The following SLC47A1 variants were observed in gnomAD, a reference collection of about 807,000 sequenced individuals.
SLC47A1 encodes multidrug and toxin extrusion protein 1.
SLC47A1 carries 58 observed loss-of-function variants against 65.8 expected under a neutral mutation model. The ratio of observed to expected loss-of-function variants is 0.88; its 90% CI spans 0.71 to 1.10. The LOEUF is 1.10. SLC47A1 is among the 50% of genes least tolerant of loss of function. The pLI, the probability that SLC47A1 is intolerant of heterozygous loss-of-function variation, is 0.00. For synonymous variants in SLC47A1, 285 were observed against 295.0 expected (o/e 0.97, Z 0.35); for missense variants, 706 against 719.2 (o/e 0.98, Z 0.21).
At chr17:19,544,866 C>A (rs569954496) in intron 2 of SLC47A1, among the ~76,000 whole-genome samples, 1 of 152,346 alleles carries the variant, frequency 6.6e-6, no homozygotes, top group East Asian at 1.9e-4. Flanking sequence ...CCTTACCCAT[C>A]CAAGATCTTG....
At chr17:19,573,239 C>T (rs2084414259) in intron 16 of SLC47A1, among the ~76,000 whole-genome samples, 1 of 152,170 alleles carries the variant, frequency 6.6e-6, no homozygotes, top group African/African-American at 2.4e-5. Flanking sequence ...GTTGCTTGGA[C>T]CTTTGCTTCT....
rs1915915983 is a variant in SLC47A1, at chr17:19,533,932, C to A, written c.-8C>A. ...CTCCGCGCTACCCGGCCGCAGCGCG[C>A]GAGTCACATGGAAGCTCCTGAGGAG... On this transcript the variant is annotated 5_prime_UTR_variant, in exon 1 of 17. Transcript: ENST00000270570. The A allele has an allele frequency of 2.0e-6, 3 of 1,494,244 alleles. No individual in the cohort carries two copies. The highest frequency in any genetic ancestry group is 2.5e-5 in the South Asian group (2 of 79,982). 92.6% of individuals were successfully genotyped at this position (1,494,244 alleles called of 1,614,324 possible).
intron 12 of SLC47A1, among the ~76,000 whole-genome samples, chr17:19,561,829 G>C (rs567347391): frequency 6.6e-6 from 1 of 152,242 alleles, no homozygotes; most frequent in South Asian, 2.1e-4. Flanking sequence ...TACATTTTCA[G>C]TTAATTATTT....
At position 19,556,032 on chromosome 17, in the gene SLC47A1, C is replaced by A; in HGVS notation, c.891C>A (p.Ile297=). The A allele has an allele frequency of 6.2e-7, 1 of 1,614,124 alleles. No individual in the cohort carries two copies. The highest frequency in any genetic ancestry group is 1.7e-5 in the Admixed American group (1 of 60,026). Residue 297 remains isoleucine (I), a synonymous_variant, in exon 10 of 17, where the codon ATC becomes ATA. Transcript: ENST00000270570. The part of the protein sequence containing the change: ...LGMVELGAQS[I]VYELAIIVYM... ...TGGTGGAGCTGGGCGCTCAGTCCAT[C>A]GTGTATGAACTGGCCATCATTGTGT...
chr17:19,535,993 G>T (rs1474750519), intron 1 of SLC47A1, among the ~76,000 whole-genome samples: 2 of 152,024 alleles, frequency 1.3e-5, no homozygotes, highest in Non-Finnish European at 2.9e-5. Context: ...TTGAGACAGG[G>T]TCTTGATCTG....
chr17:19,536,319 C>G (rs868343298), intron 1 of SLC47A1, among the ~76,000 whole-genome samples: 20 of 151,960 alleles, frequency 1.3e-4, no homozygotes, highest in Non-Finnish European at 2.8e-4. Flanking sequence ...TCCCAGTAGC[C>G]TGATCCCCTT....
intron 16 of SLC47A1, among the ~76,000 whole-genome samples, chr17:19,576,802 C>T (rs1365532460): frequency 1.7e-4 from 26 of 151,848 alleles, no homozygotes; most frequent in Non-Finnish European, 1.0e-4. Flanking sequence ...TGCAATGGCA[C>T]CATCTTGGCT....
At chr17:19,558,774 G>A (rs2084284622) in intron 10 of SLC47A1, among the ~76,000 whole-genome samples, 1 of 152,088 alleles carries the variant, frequency 6.6e-6, no homozygotes, top group Non-Finnish European at 1.5e-5. Context: ...GGTTAAGGTG[G>A]TACCTGCCAG....
At chr17:19,542,976 G>A (rs771953394) in intron 2 of SLC47A1, among the ~76,000 whole-genome samples, 1 of 151,828 alleles carries the variant, frequency 6.6e-6, no homozygotes, top group Non-Finnish European at 1.5e-5. Flanking sequence ...ATTTTTAGTA[G>A]AGATGGGGTT....
At chr17:19,570,019 G>T (rs891720027) in intron 14 of SLC47A1, among the ~76,000 whole-genome samples, 4 of 152,170 alleles carry the variant, frequency 2.6e-5, no homozygotes, top group Admixed American at 6.5e-5. Flanking sequence ...AGCCAAGGCA[G>T]GAGGATCACT....
chr17:19,546,118 G>A (rs1035223633), intron 2 of SLC47A1, among the ~76,000 whole-genome samples: 1 of 152,102 alleles, frequency 6.6e-6, no homozygotes. Flanking sequence ...TACTCGGGAG[G>A]CTGAAGCAGG....
chr17:19,568,250 T>C (rs908475221), intron 14 of SLC47A1, among the ~76,000 whole-genome samples: 1 of 152,192 alleles, frequency 6.6e-6, no homozygotes, highest in Non-Finnish European at 1.5e-5. Context: ...AGTTCAATAA[T>C]ATTTTAATTA....
rs764123486 is a variant in SLC47A1 at position 19,567,213 on chromosome 17, A to G, written c.1294A>G (p.Thr432Ala). The change falls in exon 14 of 17, where the codon ACA becomes GCA. Residue 432 changes from threonine (T) to alanine (A), a missense_variant. Physicochemically the swap from Thr to Ala is moderately conservative, Grantham distance 58 (BLOSUM62 0). Coordinates refer to ENST00000270570, the MANE Select transcript of SLC47A1 (RefSeq NM_018242.3). ...CGGGATCGCGCTGATGTTTGCAACC[A>G]CACTTGGAGTGATGGGTAAGCTCTA... ...PIGIALMFAT[T>A]LGVMGLWSGI... is the part of the protein sequence containing the mutation. 3 of 1,614,048 alleles carry G rather than the reference A, an allele frequency of 1.9e-6. No homozygotes were observed. The highest frequency in any genetic ancestry group is 8.5e-7 in the Non-Finnish European group (1 of 1,180,036).
intron 10 of SLC47A1, among the ~76,000 whole-genome samples, chr17:19,556,915 G>A (rs1916632800): frequency 6.6e-6 from 1 of 152,218 alleles, no homozygotes; most frequent in African/African-American, 2.4e-5. Context: ...AGCAACCTAT[G>A]TGTCTGCGGG....
At chr17:19,573,537 T>A (rs2386148) in intron 16 of SLC47A1, among the ~76,000 whole-genome samples, 4 of 129,900 alleles carry the variant, frequency 3.1e-5, no homozygotes, top group Non-Finnish European at 6.7e-5. Context: ...CTTTTTTTTT[T>A]TTAAATAGAA....
chr17:19,547,287 T>A (rs926621603), intron 3 of SLC47A1, among the ~76,000 whole-genome samples: 7 of 150,426 alleles, frequency 4.7e-5, no homozygotes, highest in African/African-American at 1.7e-4. Context: ...CAAGCAATCC[T>A]CCTACCTCAG....
chr17:19,555,234 T>A lies in SLC47A1; in HGVS notation c.566T>A (p.Val189Glu). 1 of 1,614,226 alleles carries A rather than the reference T, an allele frequency of 6.2e-7. No individual in the cohort carries two copies. The highest frequency in any genetic ancestry group is 2.2e-5 in the East Asian group (1 of 44,884). ...CAGGGAATTGTACTGCCCCAGATCG[T>A]AACTGGAGTTGCAGCCAACCTTGTC... ...LNQGIVLPQI[V>E]TGVAANLVNA... is the part of the protein sequence containing the mutation. The change falls in exon 7 of 17, where the codon GTA becomes GAA. Residue 189 changes from valine to glutamate, a missense_variant. By Grantham distance (121) the Val-to-Glu change is moderately radical. Coordinates refer to ENST00000270570, the MANE Select transcript of SLC47A1 (RefSeq NM_018242.3).
intron 1 of SLC47A1, among the ~76,000 whole-genome samples, chr17:19,536,253 C>CAATAATAAT (rs5819675): frequency 0.14 from 20,140 of 145,376 alleles, 1,596 homozygotes; most frequent in East Asian, 0.2. Context: ...AATAGTATAG[C>CAATAATAAT]AATAATAATA....
At chr17:19,543,178 CGGCTCACTGCA>C (rs975986837) in intron 2 of SLC47A1, among the ~76,000 whole-genome samples, 6 of 150,028 alleles carry the variant, frequency 4.0e-5, no homozygotes, top group African/African-American at 1.5e-4. Context: ...GGTGTAATCT[CGGCTCACTGCA>C]ACCTCCGATT....
Sources: gnomAD v4.1 joint callset for allele counts (sites outside exome capture counted in the v4.1 genomes callset) on GRCh38, gnomAD v4.1.1 for gene constraint, MANE v1.5 for transcripts, NCBI Gene and HGNC (gene_info 2026-07-23, HGNC 2026-07-21) for gene names.